Variants in RPTOR observed in about 807,000 individuals in gnomAD.
RPTOR encodes the protein regulatory-associated protein of mTOR.
A neutral mutation model predicts 169.9 loss-of-function variants in RPTOR; 21 were observed. That is an observed-to-expected ratio of 0.12 (90% CI 0.09 to 0.18). RPTOR has a LOEUF of 0.18. Ranked by LOEUF, RPTOR falls within the 10% of genes least tolerant of loss-of-function variation. RPTOR has a pLI of 1.00. For synonymous variants in RPTOR, 732 were observed against 753.2 expected, an observed-to-expected ratio of 0.97 and a Z score of 0.46; for missense variants, 1,133 against 1,855.9, an observed-to-expected ratio of 0.61 and a Z score of 7.16.
chr17:80,909,363 G>C (rs1328178503), intron 21 of RPTOR, among the ~76,000 whole-genome samples: 1 of 151,874 alleles, frequency 6.6e-6, no homozygotes, highest in Non-Finnish European at 1.5e-5. Context: ...TTACAAGCGT[G>C]AGCCACTGCA....
At chr17:80,566,811 G>C (rs1168539337) in intron 1 of RPTOR, among the ~76,000 whole-genome samples, 1 of 105,018 alleles carries the variant, frequency 9.5e-6, no homozygotes, top group Non-Finnish European at 1.7e-5. Flanking sequence ...GCGACAGAGC[G>C]AGACTCCGTC....
At chr17:80,780,532 AG>A (rs1201199042) in intron 6 of RPTOR, among the ~76,000 whole-genome samples, 1 of 152,188 alleles carries the variant, frequency 6.6e-6, no homozygotes, top group East Asian at 1.9e-4. Flanking sequence ...CCGGGCTAGA[AG>A]GGGATTAGTG....
intron 3 of RPTOR, among the ~76,000 whole-genome samples, chr17:80,689,403 G>C (rs899200705): frequency 6.6e-6 from 1 of 152,218 alleles, no homozygotes; most frequent in African/African-American, 2.4e-5. Context: ...CCGTCTTTCC[G>C]AAGCCATCGC....
chr17:80,893,505 G>T (rs1036349741), intron 19 of RPTOR, among the ~76,000 whole-genome samples: 1 of 149,766 alleles, frequency 6.7e-6, no homozygotes, highest in Non-Finnish European at 1.5e-5. Flanking sequence ...CAGGGTGTGT[G>T]TGTATGAGGG....
chr17:80,857,732 G>C (rs2067869831), intron 12 of RPTOR, 58 bp from the exon 13 acceptor site: 1 of 1,298,342 alleles, frequency 7.7e-7, no homozygotes, highest in African/African-American at 1.5e-5. Flanking sequence ...TGGCACCCCT[G>C]CTGCTGCCCG....
rs1225687497 is a variant in RPTOR at position 80,857,844 on chromosome 17, C to G, written c.1453C>G (p.Arg485Gly). The G allele has an allele frequency of 6.2e-7, 1 of 1,613,162 alleles. No individual in the cohort carries two copies. Among genetic ancestry groups the G allele is most frequent in the Admixed American group, 1.7e-5 (1 of 60,016 alleles). The change falls in exon 13 of 34, where the codon CGA becomes GGA. Residue 485 changes from arginine (R) to glycine (G), a missense_variant. Coordinates refer to ENST00000306801, the MANE Select transcript of RPTOR (RefSeq NM_020761.3). ...GCTGAAGCTGCTCCAGAGCTCGGCC[C>G]GAGAGCTGCGGCCACTTCTCGTTTT... ...YVLKLLQSSARELRPLLVFIW... is the reference protein window; with the variant it reads ...YVLKLLQSSAGELRPLLVFIW...
At chr17:80,620,274 G>A (rs2065345023) in intron 1 of RPTOR, among the ~76,000 whole-genome samples, 1 of 152,182 alleles carries the variant, frequency 6.6e-6, no homozygotes, top group Non-Finnish European at 1.5e-5. Flanking sequence ...TGCATTGGAG[G>A]AAAATGTCTT....
At position 80,546,825 on chromosome 17, in the gene RPTOR, A is replaced by C. The variant is rs933647715; in HGVS notation, c.162+1034A>C. ...TCTCAGCACTTTGGGAGGCCAAGGCAGGCCTCCCAAAGGCAGGCGGATCAC... is the reference window on the plus strand; with the variant it reads ...TCTCAGCACTTTGGGAGGCCAAGGCCGGCCTCCCAAAGGCAGGCGGATCAC... On this transcript the variant is annotated intron_variant, in intron 1 of 33. Transcript: ENST00000306801. Among the ~76,000 whole-genome samples the C allele has an allele frequency of 1.1e-3, 174 of 152,212 alleles. 2 individuals are homozygous for C. Among genetic ancestry groups the C allele is most frequent in the Admixed American group, 0.011 (172 of 15,288 alleles).
intron 20 of RPTOR, among the ~76,000 whole-genome samples, chr17:80,904,478 C>T (rs551576887): frequency 2.6e-5 from 4 of 152,276 alleles, no homozygotes; most frequent in East Asian, 1.9e-4. Flanking sequence ...TAAATTTCCC[C>T]GCCGTGTATG....
intron 1 of RPTOR, among the ~76,000 whole-genome samples, chr17:80,561,370 A>G (rs2084492497): frequency 6.6e-6 from 1 of 151,004 alleles, no homozygotes; most frequent in Middle Eastern, 3.2e-3. Flanking sequence ...CGGCCTCCCA[A>G]AGTGCTGGGA....
In RPTOR at chr17:80,726,925, G is replaced by C. The variant is rs1413620153; in HGVS notation, c.508-3635G>C. 2.6e-5 allele frequency among the ~76,000 whole-genome samples: 4 copies of C among 152,154 alleles called. No individual in the cohort carries two copies. The highest frequency in any genetic ancestry group is 5.9e-5 in the Non-Finnish European group (4 of 68,028). On this transcript the variant is annotated intron_variant, in intron 4 of 33. Coordinates refer to ENST00000306801, the MANE Select transcript of RPTOR (RefSeq NM_020761.3). The surrounding 1 kb of genome is among the most constrained non-coding windows in gnomAD (Gnocchi z 4.5). ...CCTTGGCAGCAGCATGGAAGTGGGT[G>C]GGGGAGGAGAGGAGCATGCTTCCCC...
intron 9 of RPTOR, among the ~76,000 whole-genome samples, chr17:80,828,512 C>G (rs2067469459): frequency 1.3e-5 from 2 of 152,244 alleles, no homozygotes; most frequent in South Asian, 2.1e-4. Flanking sequence ...TGGGCCTGCC[C>G]TTGGTTGGGA....
chr17:80,648,902 G>A (rs1369452429), intron 3 of RPTOR, among the ~76,000 whole-genome samples: 2 of 152,094 alleles, frequency 1.3e-5, no homozygotes, highest in African/African-American at 2.4e-5. Flanking sequence ...GTCCCTGCAC[G>A]AGCTCTCTCT....
At chr17:80,744,719 T>A (rs369838158) in intron 5 of RPTOR, among the ~76,000 whole-genome samples, 1 of 6,690 alleles carries the variant, frequency 1.5e-4, no homozygotes. Flanking sequence ...CTACTAGCAC[T>A]GTCCTGGCTA....
At chr17:80,812,252 G>A (rs941029040) in intron 7 of RPTOR, among the ~76,000 whole-genome samples, 1 of 152,124 alleles carries the variant, frequency 6.6e-6, no homozygotes, top group Non-Finnish European at 1.5e-5. Flanking sequence ...TCTGTGCCTG[G>A]CGGCTCCATT....
chr17:80,617,869 G>A (rs559971913), intron 1 of RPTOR, among the ~76,000 whole-genome samples: 1 of 152,276 alleles, frequency 6.6e-6, no homozygotes, highest in Admixed American at 6.5e-5. Flanking sequence ...AGGCATAGTC[G>A]CATGGCTTCA....
At chr17:80,955,972 CTG>C (rs2144084500) in intron 28 of RPTOR, among the ~76,000 whole-genome samples, 1 of 152,316 alleles carries the variant, frequency 6.6e-6, no homozygotes, top group Non-Finnish European at 1.5e-5. Flanking sequence ...TTAACCAGAG[CTG>C]TGTGTCTTGG....
chr17:80,745,744 T>A (rs1448137800), intron 5 of RPTOR, among the ~76,000 whole-genome samples: 1 of 152,246 alleles, frequency 6.6e-6, no homozygotes, highest in Non-Finnish European at 1.5e-5. Context: ...ACCGAGGAGA[T>A]GCTATTTTCA....
intron 25 of RPTOR, chr17:80,945,466 C>T (rs955585879): frequency 2.9e-5 from 12 of 410,538 alleles, no homozygotes; most frequent in African/African-American, 2.5e-4. Flanking sequence ...GTGGCGGGCA[C>T]CTGTAGTCCC....
Sources: allele counts gnomAD v4.1 joint callset (sites outside exome capture counted in the v4.1 genomes callset), GRCh38; gene constraint gnomAD v4.1.1; non-coding constraint Gnocchi (gnomAD v3.1); transcripts MANE v1.5; gene names NCBI Gene and HGNC (gene_info 2026-07-23, HGNC 2026-07-21).